Variants in SSBP2 observed in about 807,000 individuals in gnomAD.
SSBP2 encodes single-stranded DNA-binding protein 2.
A neutral mutation model predicts 61.8 loss-of-function variants in SSBP2; 17 were observed. The ratio of observed to expected loss-of-function variants is 0.28; its 90% CI spans 0.19 to 0.41. SSBP2 has a LOEUF of 0.41. SSBP2 is among the 10% of genes least tolerant of loss of function. The pLI, the probability that SSBP2 is intolerant of heterozygous loss-of-function variation, is 1.00. For synonymous variants in SSBP2, 139 were observed against 141.3 expected (o/e 0.98, Z 0.12); for missense variants, 310 against 458.7 (o/e 0.68, Z 2.96).
chr5:81,707,303 G>A (rs908931189), intron 1 of SSBP2, among the ~76,000 whole-genome samples: 1 of 152,080 alleles, frequency 6.6e-6, no homozygotes, highest in African/African-American at 2.4e-5. Flanking sequence ...CTCAGAATGT[G>A]ACCTAATGTG....
intron 1 of SSBP2, among the ~76,000 whole-genome samples, chr5:81,694,235 T>C (rs919137526): frequency 2.0e-5 from 3 of 152,178 alleles, no homozygotes; most frequent in Non-Finnish European, 4.4e-5. Context: ...ATAGTCAGAA[T>C]GAATAAGACC....
intron 1 of SSBP2, among the ~76,000 whole-genome samples, chr5:81,748,638 C>T (rs1294476224): frequency 6.6e-6 from 1 of 152,190 alleles, no homozygotes; most frequent in Non-Finnish European, 1.5e-5. Flanking sequence ...GCCTCTTCAC[C>T]TATATTTAAG....
Position 81,413,339 on chromosome 5 carries a change from A to T in SSBP2, c.*7165T>A, listed in dbSNP as rs1761204927. On this transcript the variant is annotated 3_prime_UTR_variant, in exon 17 of 17. Coordinates refer to ENST00000320672, the MANE Select transcript of SSBP2 (RefSeq NM_012446.5). ...CACATACACAGATGCTAAATTTACAAAATGTGTCAGGTAGCTGGTGGCCAT... is the reference window on the plus strand; with the variant it reads ...CACATACACAGATGCTAAATTTACATAATGTGTCAGGTAGCTGGTGGCCAT... 6.6e-6 allele frequency: 1 copy of T among 152,196 alleles called. No homozygotes were observed. Among genetic ancestry groups the T allele is most frequent in the Admixed American group, 6.5e-5 (1 of 15,282 alleles). 9.4% of individuals were successfully genotyped at this position (152,196 alleles called of 1,614,324 possible).
At chr5:81,654,238 T>C (rs1305481965) in intron 1 of SSBP2, among the ~76,000 whole-genome samples, 2 of 152,170 alleles carry the variant, frequency 1.3e-5, no homozygotes, top group Non-Finnish European at 2.9e-5. Context: ...GTGCTGGGAT[T>C]ACAGGCATGA....
intron 3 of SSBP2, among the ~76,000 whole-genome samples, chr5:81,626,842 T>C (rs1747211548): frequency 1.3e-5 from 2 of 152,228 alleles, no homozygotes; most frequent in Admixed American, 1.3e-4. Flanking sequence ...TTATTAATAG[T>C]GGGACACTGA....
intron 1 of SSBP2, among the ~76,000 whole-genome samples, chr5:81,708,345 T>C (rs1754541265): frequency 6.6e-6 from 1 of 152,188 alleles, no homozygotes; most frequent in African/African-American, 2.4e-5. Flanking sequence ...GAGTTGACTT[T>C]AGATTAAATC....
intron 15 of SSBP2, among the ~76,000 whole-genome samples, chr5:81,432,370 T>C (rs1333643837): frequency 2.0e-5 from 3 of 152,232 alleles, no homozygotes; most frequent in Non-Finnish European, 2.9e-5. Flanking sequence ...TCTTCTCACA[T>C]ACATGTGTTT....
chr5:81,641,260 G>A (rs928846162), intron 2 of SSBP2, among the ~76,000 whole-genome samples: 2 of 152,072 alleles, frequency 1.3e-5, no homozygotes, highest in South Asian at 2.1e-4. Flanking sequence ...TACCTATATG[G>A]TTTGTATTTG....
chr5:81,481,936 G>A (rs1766021471), intron 6 of SSBP2, among the ~76,000 whole-genome samples: 1 of 151,874 alleles, frequency 6.6e-6, no homozygotes. Flanking sequence ...AGGCAGAGTA[G>A]ATTTAGTATA....
intron 1 of SSBP2, among the ~76,000 whole-genome samples, chr5:81,750,454 C>A (rs1461234393): frequency 1.4e-5 from 2 of 145,844 alleles, no homozygotes; most frequent in Non-Finnish European, 3.0e-5. Context: ...CGCCTCGCCT[C>A]GCCCCGCGCT....
At chr5:81,620,140 A>G (rs546931867) in intron 3 of SSBP2, among the ~76,000 whole-genome samples, 16 of 113,424 alleles carry the variant, frequency 1.4e-4, no homozygotes, top group East Asian at 1.3e-3. Context: ...AGGGTATTCA[A>G]TTAGGAAAAG....
chr5:81,634,911 T>C (rs1026135768), intron 3 of SSBP2, among the ~76,000 whole-genome samples: 3 of 152,256 alleles, frequency 2.0e-5, no homozygotes, highest in African/African-American at 7.2e-5. Flanking sequence ...TATGGCACTC[T>C]GCATATCCCC....
intron 4 of SSBP2, among the ~76,000 whole-genome samples, chr5:81,538,939 A>G (rs369731715): frequency 5.3e-5 from 8 of 152,318 alleles, no homozygotes; most frequent in South Asian, 2.1e-4. Context: ...TGCAAACACA[A>G]TATCTATTCT....
In SSBP2 at chr5:81,439,768, T is replaced by A. The variant is rs527529080; in HGVS notation, c.928+790A>T. 2.8e-4 allele frequency among the ~76,000 whole-genome samples: 41 copies of A among 146,150 alleles called. No homozygotes were observed. In the South Asian group the frequency reaches 9.0e-3, roughly 32 times the overall value. On this transcript the variant is annotated intron_variant, in intron 14 of 16. Coordinates refer to ENST00000320672, the MANE Select transcript of SSBP2 (RefSeq NM_012446.5). ...CTCACTGCAAGCTCCGCCTCCCGGGTTCAAGCGATTCTCCTGCCTCAGCCT... is the reference window on the plus strand; with the variant it reads ...CTCACTGCAAGCTCCGCCTCCCGGGATCAAGCGATTCTCCTGCCTCAGCCT...
intron 6 of SSBP2, among the ~76,000 whole-genome samples, chr5:81,479,479 T>C (rs1030621860): frequency 6.6e-6 from 1 of 151,968 alleles, no homozygotes; most frequent in Non-Finnish European, 1.5e-5. Flanking sequence ...TTAGTAGAGA[T>C]AGGGTTTCAC....
Position 81,446,861 on chromosome 5 carries a change from A to C in SSBP2, c.778+7T>G. 1 of 1,607,472 alleles carries C rather than the reference A, an allele frequency of 6.2e-7. No individual in the cohort carries two copies. The highest frequency in any genetic ancestry group is 8.5e-7 in the Non-Finnish European group (1 of 1,177,656). On this transcript the variant is annotated splice_region_variant and intron_variant, in intron 12 of 16. Coordinates refer to ENST00000320672, the MANE Select transcript of SSBP2 (RefSeq NM_012446.5). Reference sequence around the variant, plus strand: ...AAATGCCCATGTGGCTAGTTTGATTACAATACCTGCTGGACTAGGCATGAT... The same window carrying C: ...AAATGCCCATGTGGCTAGTTTGATTCCAATACCTGCTGGACTAGGCATGAT...
At position 81,416,858 on chromosome 5, in the gene SSBP2, T is replaced by C. The variant is rs1406141887; in HGVS notation, c.*3646A>G. ...ATTTACTTGTTAATCTTTTTGGCAA[T>C]TGAGAAATCTTTTCTATTTTTGAGA... On this transcript the variant is annotated 3_prime_UTR_variant, in exon 17 of 17. Transcript: ENST00000320672. 2.0e-5 allele frequency: 3 copies of C among 152,178 alleles called. No individual in the cohort carries two copies. Among genetic ancestry groups the C allele is most frequent in the Non-Finnish European group, 2.9e-5 (2 of 68,038 alleles). 9.4% of individuals were successfully genotyped at this position (152,178 alleles called of 1,614,324 possible). A position where few individuals can be genotyped will look rare whatever the true frequency, so the allele number is the denominator to read the frequency against.
chr5:81,498,163 C>T (rs1767432197), intron 5 of SSBP2, among the ~76,000 whole-genome samples: 1 of 152,010 alleles, frequency 6.6e-6, no homozygotes, highest in Non-Finnish European at 1.5e-5. Context: ...AAACATTCTG[C>T]TTTCTTAATA....
At chr5:81,456,031 G>A (rs1490331557) in intron 10 of SSBP2, among the ~76,000 whole-genome samples, 1 of 152,076 alleles carries the variant, frequency 6.6e-6, no homozygotes, top group East Asian at 1.9e-4. Flanking sequence ...TACAAGCACT[G>A]GTTTACTAGA....
Sources: allele counts gnomAD v4.1 joint callset (sites outside exome capture counted in the v4.1 genomes callset), GRCh38; gene constraint gnomAD v4.1.1; transcripts MANE v1.5; gene names NCBI Gene and HGNC (gene_info 2026-07-23, HGNC 2026-07-21).